Variants in MPPED2 observed in about 807,000 individuals in gnomAD.
The protein encoded by MPPED2 is metallophosphoesterase MPPED2.
MPPED2 carries 5 observed loss-of-function variants against 33.0 expected under a neutral mutation model. The observed-to-expected ratio is 0.15, with a 90% CI of 0.08 to 0.32. The LOEUF (loss-of-function observed/expected upper bound fraction) is 0.32, where lower values mean the gene tolerates loss of function less well. Among genes scored for constraint, MPPED2 ranks in the 10% least tolerant of loss-of-function variants. MPPED2 has a pLI of 1.00. For synonymous variants in MPPED2, 136 were observed against 141.9 expected (o/e 0.96, Z 0.29); for missense variants, 275 against 372.1 (o/e 0.74, Z 2.15).
At chr11:30,583,280 T>C (rs931245494) in intron 1 of MPPED2, among the ~76,000 whole-genome samples, 2 of 151,706 alleles carry the variant, frequency 1.3e-5, no homozygotes, top group African/African-American at 4.8e-5. Flanking sequence ...ATCAAGAAGA[T>C]GTATATTTAG....
chr11:30,449,366 G>C (rs894447989), intron 4 of MPPED2, among the ~76,000 whole-genome samples: 70 of 152,334 alleles, frequency 4.6e-4, no homozygotes, highest in African/African-American at 1.7e-3. Context: ...CAACAGATAG[G>C]ACAGGTGCAG....
At chr11:30,527,259 A>G (rs1008845655) in intron 3 of MPPED2, among the ~76,000 whole-genome samples, 3 of 151,544 alleles carry the variant, frequency 2.0e-5, no homozygotes, top group African/African-American at 7.3e-5. Context: ...GGCATCTCCT[A>G]CCTTGCCCAG....
chr11:30,535,184 T>C (rs1954745128), intron 3 of MPPED2, among the ~76,000 whole-genome samples: 5 of 152,208 alleles, frequency 3.3e-5, no homozygotes. Flanking sequence ...AACAAAGTTG[T>C]AATGTTTTTG....
At chr11:30,572,493 G>C (rs1956744244) in intron 2 of MPPED2, among the ~76,000 whole-genome samples, 1 of 152,058 alleles carries the variant, frequency 6.6e-6, no homozygotes, top group Non-Finnish European at 1.5e-5. Flanking sequence ...CAAACTAAAA[G>C]GACAATTCAG....
At chr11:30,418,807 G>C (rs1003527382) in intron 4 of MPPED2, among the ~76,000 whole-genome samples, 1 of 152,206 alleles carries the variant, frequency 6.6e-6, no homozygotes, top group African/African-American at 2.4e-5. Context: ...AGACTAATCA[G>C]ATTCTTTCAA....
intron 4 of MPPED2, among the ~76,000 whole-genome samples, chr11:30,426,861 G>A (rs1156954961): frequency 6.6e-6 from 1 of 152,130 alleles, no homozygotes; most frequent in Non-Finnish European, 1.5e-5. Flanking sequence ...GAGCGGGAGG[G>A]AGGTCCTTCC....
chr11:30,410,427 G>C lies in MPPED2; in HGVS notation c.*1041C>G. 1.0e-6 allele frequency: 1 copy of C among 981,982 alleles called. No homozygotes were observed. The allele number at this position is 981,982 out of a possible 1,614,324, so 60.8% of individuals were successfully genotyped here. On this transcript the variant is annotated 3_prime_UTR_variant, in exon 7 of 7. Coordinates refer to ENST00000358117, the MANE Select transcript of MPPED2 (RefSeq NM_001584.3). ...CTAGCGAAGATTGCATCGACACACA[G>C]TGCAAAATGGGAGAGGGGAGAGGAA... is the stretch of plus-strand genomic sequence containing the variant.
intron 2 of MPPED2, among the ~76,000 whole-genome samples, chr11:30,545,346 G>A (rs1385141877): frequency 6.6e-6 from 1 of 152,088 alleles, no homozygotes; most frequent in Non-Finnish European, 1.5e-5. Context: ...AGAATGTGAA[G>A]GCAACAGGAA....
intron 2 of MPPED2, among the ~76,000 whole-genome samples, chr11:30,539,141 G>A (rs1033280741): frequency 2.0e-5 from 3 of 152,062 alleles, no homozygotes; most frequent in Non-Finnish European, 4.4e-5. Context: ...ATAAACACCT[G>A]GAAAAGTCAA....
At chr11:30,452,904 T>A (rs1433761555) in intron 4 of MPPED2, among the ~76,000 whole-genome samples, 3 of 150,896 alleles carry the variant, frequency 2.0e-5, no homozygotes, top group African/African-American at 7.3e-5. Context: ...AGAGCCTTGG[T>A]GGGGGCAGCT....
At chr11:30,567,026 C>T (rs1262489776) in intron 2 of MPPED2, among the ~76,000 whole-genome samples, 1 of 152,180 alleles carries the variant, frequency 6.6e-6, no homozygotes, top group East Asian at 1.9e-4. Flanking sequence ...GCCTGTTGTT[C>T]TCTGGCACCT....
chr11:30,469,616 A>G (rs879507332), intron 4 of MPPED2, among the ~76,000 whole-genome samples: 1 of 152,196 alleles, frequency 6.6e-6, no homozygotes, highest in Non-Finnish European at 1.5e-5. Context: ...TTCTATAGTT[A>G]AAGGTACTCA....
chr11:30,426,292 C>T (rs1948834077), intron 4 of MPPED2, among the ~76,000 whole-genome samples: 1 of 152,210 alleles, frequency 6.6e-6, no homozygotes, highest in African/African-American at 2.4e-5. Context: ...TTTCACCCTG[C>T]ATAATGTTGT....
chr11:30,442,990 C>T (rs1483273238), intron 4 of MPPED2, among the ~76,000 whole-genome samples: 2 of 151,352 alleles, frequency 1.3e-5, no homozygotes, highest in Non-Finnish European at 2.9e-5. Flanking sequence ...AATCCTGTCT[C>T]AAGGAAAAAA....
chr11:30,432,929 A>T (rs1949146420), intron 4 of MPPED2, among the ~76,000 whole-genome samples: 1 of 152,214 alleles, frequency 6.6e-6, no homozygotes, highest in Non-Finnish European at 1.5e-5. Flanking sequence ...GATAACATAC[A>T]ATGTTAGAAC....
At chr11:30,404,149 T>C (rs1359401599) in intron 6 of MPPED2, among the ~76,000 whole-genome samples, 1 of 152,198 alleles carries the variant, frequency 6.6e-6, no homozygotes, top group African/African-American at 2.4e-5. Flanking sequence ...GTCAGGAGGA[T>C]ACCATTATAG....
chr11:30,495,415 G>A lies in MPPED2; in HGVS notation c.417C>T (p.Pro139=). Residue 139 remains proline, a synonymous_variant, in exon 4 of 7, where the codon CCC becomes CCT. Transcript: ENST00000358117. ...CCTCTGGTTTCAATTTGGACACAGAGGGGAAACGGTAGTAGTCCTGTTTAA... is the reference window on the plus strand; with the variant it reads ...CCTCTGGTTTCAATTTGGACACAGAAGGGAAACGGTAGTAGTCCTGTTTAA... ...DLVKQDYYRF[P]SVSKLKPEDF... The A allele has an allele frequency of 2.5e-6, 4 of 1,614,024 alleles. No individual in the cohort carries two copies. The highest frequency in any genetic ancestry group is 2.5e-6 in the Non-Finnish European group (3 of 1,179,896).
intron 2 of MPPED2, among the ~76,000 whole-genome samples, chr11:30,563,446 G>A (rs1956316213): frequency 1.3e-5 from 2 of 152,158 alleles, no homozygotes. Context: ...TAATGCTGGC[G>A]CAGCTCACCT....
In MPPED2 at chr11:30,586,129, A is replaced by C. The variant is rs1022689127; in HGVS notation, c.-209T>G. 2 of 152,254 alleles carry C rather than the reference A, an allele frequency of 1.3e-5. No individual in the cohort carries two copies. Among genetic ancestry groups the C allele is most frequent in the Non-Finnish European group, 2.9e-5 (2 of 68,300 alleles). 9.4% of individuals were successfully genotyped at this position (152,254 alleles called of 1,614,324 possible). On this transcript the variant is annotated 5_prime_UTR_variant, in exon 1 of 7. Transcript: ENST00000358117. This position sits in a 1 kb window ranked among gnomAD's most constrained non-coding sequence, Gnocchi z 4.8. ...TAGCCGAGCGGCCCGAGCCGGCTGG[A>C]GGAGCGCTGGGGGCGCGCGGGGGCG...
Sources: gnomAD v4.1 joint callset for allele counts (sites outside exome capture counted in the v4.1 genomes callset) on GRCh38, gnomAD v4.1.1 for gene constraint, Gnocchi (gnomAD v3.1) non-coding constraint, MANE v1.5 for transcripts, NCBI Gene and HGNC (gene_info 2026-07-23, HGNC 2026-07-21) for gene names.